EGR2: variants seen among roughly 807,000 people sequenced by gnomAD.
The protein encoded by EGR2 is early growth response 2, also known as E3 SUMO-protein ligase EGR2.
A neutral mutation model predicts 21.2 loss-of-function variants in EGR2; 2 were observed. The observed-to-expected ratio is 0.09, with a 90% confidence interval of 0.04 to 0.30. EGR2 has a LOEUF of 0.30. Ranked by LOEUF, EGR2 falls within the 10% of genes least tolerant of loss-of-function variation. EGR2 has a pLI of 1.00. For missense variants in EGR2, 458 were observed against 630.2 expected, an observed-to-expected ratio of 0.73 and a Z score of 2.93; for synonymous variants, 282 against 258.2, an observed-to-expected ratio of 1.09 and a Z score of -0.88.
chr10:62,818,399 G>C (rs1838305748), upstream of EGR2: 1 of 260,104 alleles, frequency 3.8e-6, no homozygotes, highest in Admixed American at 6.2e-5. Context: ...TTTTCCAATT[G>C]GGGATGAAAA....
At chr10:62,815,816 C>T (rs745312400) in intron 1 of EGR2, 45 bp downstream of exon 1, 15 of 1,611,464 alleles carry the variant, frequency 9.3e-6, no homozygotes, top group Admixed American at 6.7e-5. Flanking sequence ...CCATCCACCA[C>T]CTCCGGGCCG....
intron 1 of EGR2, 136 bp downstream of exon 1, chr10:62,815,725 C>G: frequency 8.6e-7 from 1 of 1,162,448 alleles, no homozygotes; most frequent in Non-Finnish European, 1.2e-6. Context: ...CACCCACTTC[C>G]AGTCTTCAAA....
chr10:62,815,297 G>T (rs1407788679), intron 1 of EGR2, among the ~76,000 whole-genome samples: 1 of 152,168 alleles, frequency 6.6e-6, no homozygotes, highest in Non-Finnish European at 1.5e-5. Context: ...TGCCTCCGCC[G>T]GCCGGAGCCC....
At chr10:62,818,204 C>T (rs1332533401), upstream of EGR2, among the ~76,000 whole-genome samples, 2 of 152,178 alleles carry the variant, frequency 1.3e-5, no homozygotes, top group African/African-American at 4.8e-5. Context: ...CCAGCTCTCG[C>T]CGGGCCCAGC....
At chr10:62,816,557 G>C (rs150902), upstream of EGR2, among the ~76,000 whole-genome samples, 151,354 of 152,262 alleles carry the variant, frequency 0.99, 75,229 homozygotes, top group East Asian at 1. Context: ...GGCGGGGATC[G>C]CTGGGGTCCC....
In EGR2 at chr10:62,813,791, G is replaced by A. The variant is rs1249572398; in HGVS notation, c.847C>T (p.Pro283Ser). The A allele has an allele frequency of 6.2e-7, 1 of 1,613,300 alleles. No individual in the cohort carries two copies. The highest frequency in any genetic ancestry group is 1.1e-5 in the South Asian group (1 of 91,086). ...LGGPSAGVTG[P>S]GASGGSEGPR... ...CCCTCGCTGCCTCCACTGGCCCCTG[G>A]TCCGGTCACCCCAGCACTGGGGCCC... Residue 283 changes from proline (P) to serine (S), a missense_variant, in exon 2 of 2, where the codon CCA becomes TCA. By Grantham distance (74) the Pro-to-Ser change is moderately conservative (BLOSUM62 -1). Around this residue, in one of 5 missense-constraint regions of EGR2, gnomAD observed 253 missense variants for 315.5 expected, o/e 0.80. Coordinates refer to ENST00000242480, the MANE Select transcript of EGR2 (RefSeq NM_000399.5). This position sits in a 1 kb window ranked among gnomAD's most constrained non-coding sequence, Gnocchi z 5.7.
upstream of EGR2, chr10:62,816,503 G>GGCCGCGCGGACTCC (rs1842274099): frequency 4.2e-6 from 2 of 474,720 alleles, no homozygotes; most frequent in South Asian, 6.2e-5. Flanking sequence ...ACACGGGCTC[G>GGCCGCGCGGACTCC]GCCGCGCGGA....
At position 62,814,479 on chromosome 10, in the gene EGR2, G is replaced by C; in HGVS notation, c.170-11C>G. 6.2e-7 allele frequency: 1 copy of C among 1,613,766 alleles called. No homozygotes were observed. Among genetic ancestry groups the C allele is most frequent in the Non-Finnish European group, 8.5e-7 (1 of 1,179,796 alleles). On this transcript the variant is annotated splice_polypyrimidine_tract_variant and intron_variant, in intron 1 of 1. Transcript: ENST00000242480. The surrounding 1 kb of genome is among the most constrained non-coding windows in gnomAD (Gnocchi z 4.8). Reference sequence around the variant, plus strand: ...TGTTGATCATGCCATCTGGGGAGGGGAAAGGCAGAATGGAGGTGGAACAAT... The same window carrying C: ...TGTTGATCATGCCATCTGGGGAGGGCAAAGGCAGAATGGAGGTGGAACAAT...
Position 62,812,983 on chromosome 10 carries a change from T to G in EGR2, c.*224A>C. On this transcript the variant is annotated 3_prime_UTR_variant, in exon 2 of 2. Coordinates refer to ENST00000242480, the MANE Select transcript of EGR2 (RefSeq NM_000399.5). ...ACCACCTCCTTCTGAGCCTCCCCTTTGCCTTGGGTTGATAGTCAACTCACC... is the reference window on the plus strand; with the variant it reads ...ACCACCTCCTTCTGAGCCTCCCCTTGGCCTTGGGTTGATAGTCAACTCACC... 2.2e-6 allele frequency: 1 copy of G among 446,628 alleles called. No individual in the cohort carries two copies. Among genetic ancestry groups the G allele is most frequent in the Non-Finnish European group, 3.8e-6 (1 of 260,702 alleles). The allele number at this position is 446,628 out of a possible 1,614,324, so 27.7% of individuals were successfully genotyped here.
rs764942426 is a variant in EGR2, at chr10:62,812,651, T to C, written c.*556A>G. 6.5e-6 allele frequency: 1 copy of C among 153,002 alleles called. No individual in the cohort carries two copies. Among genetic ancestry groups the C allele is most frequent in the Non-Finnish European group, 1.5e-5 (1 of 68,206 alleles). 9.5% of individuals were successfully genotyped at this position (153,002 alleles called of 1,614,324 possible). ...CTTCAAGGGTTGAGACAACTAGATA[T>C]GCTCTGATTCACCATTTTAGGGCCA... On this transcript the variant is annotated 3_prime_UTR_variant, in exon 2 of 2. Transcript: ENST00000242480.
chr10:62,818,840 C>G (rs1199351670), upstream of EGR2, among the ~76,000 whole-genome samples: 1 of 152,084 alleles, frequency 6.6e-6, no homozygotes, highest in Non-Finnish European at 1.5e-5. Flanking sequence ...GCCCGGGCCG[C>G]CCCGCGACTG....
chr10:62,817,646 G>C (rs912020617), upstream of EGR2, among the ~76,000 whole-genome samples: 4 of 152,148 alleles, frequency 2.6e-5, no homozygotes, highest in African/African-American at 9.7e-5. This position sits in a 1 kb window ranked among gnomAD's most constrained non-coding sequence, Gnocchi z 4.4. Flanking sequence ...GGTGAGCCCA[G>C]CGCGGTCCTC....
rs1297707300 is a variant in EGR2 at position 62,813,135 on chromosome 10, T to C, written c.*72A>G. On this transcript the variant is annotated 3_prime_UTR_variant, in exon 2 of 2. Transcript: ENST00000242480. The surrounding 1 kb of genome is among the most constrained non-coding windows in gnomAD (Gnocchi z 5.7). ...GAGGGACAGGAAAGGGTGGTAGTGT[T>C]TGTTGTGCAGCTCCAGTGGACAAAG... The C allele has an allele frequency of 6.9e-7, 1 of 1,457,714 alleles. No homozygotes were observed. The highest frequency in any genetic ancestry group is 9.1e-7 in the Non-Finnish European group (1 of 1,093,332). 90.3% of individuals were successfully genotyped at this position (1,457,714 alleles called of 1,614,324 possible). A position where few individuals can be genotyped will look rare whatever the true frequency, so the allele number is the denominator to read the frequency against.
chr10:62,816,389 T>A, upstream of EGR2: 1 of 1,199,438 alleles, frequency 8.3e-7, no homozygotes, highest in South Asian at 1.6e-5. Context: ...TTGCTCTAAG[T>A]ATTTATGGGC....
In EGR2 at chr10:62,814,498, G is replaced by A; in HGVS notation, c.170-30C>T. 1 of 1,607,706 alleles carries A rather than the reference G, an allele frequency of 6.2e-7. No individual in the cohort carries two copies. The highest frequency in any genetic ancestry group is 8.5e-7 in the Non-Finnish European group (1 of 1,174,552). Reference sequence around the variant, plus strand: ...GGAGGGGAAAGGCAGAATGGAGGTGGAACAATGAAAATACAGCCAGGACTC... The same window carrying A: ...GGAGGGGAAAGGCAGAATGGAGGTGAAACAATGAAAATACAGCCAGGACTC... On this transcript the variant is annotated intron_variant, in intron 1 of 1. Transcript: ENST00000242480. The surrounding 1 kb of genome is among the most constrained non-coding windows in gnomAD (Gnocchi z 4.8).
At position 62,813,285 on chromosome 10, in the gene EGR2, AC is replaced by A; in HGVS notation, c.1352del (p.Gly451ValfsTer84). 2 of 1,570,920 alleles carry A rather than the reference AC, an allele frequency of 1.3e-6. No homozygotes were observed. The highest frequency in any genetic ancestry group is 8.6e-7 in the Non-Finnish European group (1 of 1,156,852). ...TGCTGCTGTTACTGCTGCACAGGGT[AC>A]CCCCAGGCTGCACGCCCCCAGAGCA... Reference protein sequence around the residue: ...ASCSGGVQPGGTLCSSNSSSL... With the variant: ...ASCSGGVQPGXTLCSSNSSSL... On this transcript the variant is annotated frameshift_variant, in exon 2 of 2. Coordinates refer to ENST00000242480, the MANE Select transcript of EGR2 (RefSeq NM_000399.5). LOFTEE classifies it high-confidence loss of function. The surrounding 1 kb of genome is among the most constrained non-coding windows in gnomAD (Gnocchi z 5.7).
At chr10:62,815,713 T>C (rs1589082788) in intron 1 of EGR2, 148 bp downstream of exon 1, 8 of 1,080,972 alleles carry the variant, frequency 7.4e-6, no homozygotes, top group Non-Finnish European at 1.1e-5. Context: ...AGGTTCCTCC[T>C]GCACCCACTT....
chr10:62,815,663 C>G (rs1055684109), intron 1 of EGR2, among the ~76,000 whole-genome samples, 198 bp downstream of exon 1: 1 of 152,236 alleles, frequency 6.6e-6, no homozygotes, highest in African/African-American at 2.4e-5. Context: ...TTGCTGGCGA[C>G]CTGGCGCATC....
In EGR2 at chr10:62,816,254, C is replaced by G. The variant is rs1244246667; in HGVS notation, c.-225G>C. 2 of 1,402,878 alleles carry G rather than the reference C, an allele frequency of 1.4e-6. No individual in the cohort carries two copies. The highest frequency in any genetic ancestry group is 2.7e-5 in the Admixed American group (1 of 37,434). 86.9% of individuals were successfully genotyped at this position (1,402,878 alleles called of 1,614,324 possible). On this transcript the variant is annotated 5_prime_UTR_variant, in exon 1 of 2. Transcript: ENST00000242480. ...GAAAAATGTCTATTTGCCACTGACT[C>G]TCTCCTGTCTGTGTTCCGGCTGCTG...
Sources: gnomAD v4.1 joint callset for allele counts (sites outside exome capture counted in the v4.1 genomes callset) on GRCh38, gnomAD v4.1.1 for gene constraint, gnomAD v4.1.1 regional missense constraint, Gnocchi (gnomAD v3.1) non-coding constraint, MANE v1.5 for transcripts, NCBI Gene and HGNC (gene_info 2026-07-23, HGNC 2026-07-21) for gene names.